CCDC91: variants seen among roughly 807,000 people sequenced by gnomAD.
The protein encoded by CCDC91 is coiled-coil domain-containing protein 91.
A neutral mutation model predicts 63.2 loss-of-function variants in CCDC91; 48 were observed. That is an observed-to-expected ratio of 0.76 (90% CI 0.60 to 0.97). The LOEUF is 0.97. Ranked by LOEUF, CCDC91 falls within the 50% of genes least tolerant of loss-of-function variation. CCDC91 has a pLI of 0.00. For missense variants in CCDC91, 500 were observed against 494.6 expected (o/e 1.01, Z -0.10); for synonymous variants, 167 against 165.8 (o/e 1.01, Z -0.06).
At chr12:28,334,735 T>C (rs1941793931) in intron 6 of CCDC91, among the ~76,000 whole-genome samples, 1 of 152,148 alleles carries the variant, frequency 6.6e-6, no homozygotes, top group African/African-American at 2.4e-5. Flanking sequence ...AATGGGGCAG[T>C]ATCATATACA....
rs185113479 is a variant in CCDC91 at position 28,408,332 on chromosome 12, G to A, written c.762+16921G>A. ...CATGAACTCATTTGTTTTTACGGCT[G>A]CATAGTATTCCATAGTATATATGTG... On this transcript the variant is annotated intron_variant, in intron 8 of 12. Coordinates refer to ENST00000536442, the MANE Select transcript of CCDC91 (RefSeq NM_018318.5). Among the ~76,000 whole-genome samples, 877 of 152,242 alleles carry A rather than the reference G, an allele frequency of 5.8e-3. 3 individuals are homozygous for A. The highest frequency in any genetic ancestry group is 9.3e-3 in the Non-Finnish European group (635 of 68,028).
chr12:28,243,647 A>AG (rs1491335858), intron 1 of CCDC91, among the ~76,000 whole-genome samples: 1 of 152,184 alleles, frequency 6.6e-6, no homozygotes, highest in Admixed American at 6.5e-5. Context: ...AGAATGAAAA[A>AG]GAGATATATA....
chr12:28,444,261 A>G (rs1565983021), intron 8 of CCDC91, among the ~76,000 whole-genome samples: 1 of 152,226 alleles, frequency 6.6e-6, no homozygotes, highest in Non-Finnish European at 1.5e-5. Context: ...CAATTTTTAA[A>G]TGCTGAAATT....
chr12:28,418,731 A>G (rs1164036618), intron 8 of CCDC91, among the ~76,000 whole-genome samples: 1 of 152,132 alleles, frequency 6.6e-6, no homozygotes, highest in East Asian at 1.9e-4. Flanking sequence ...GGATCGGGCC[A>G]AAAAGGTCTT....
intron 3 of CCDC91, chr12:28,304,647 T>A (rs891915297): frequency 1.6e-6 from 2 of 1,270,264 alleles, no homozygotes; most frequent in African/African-American, 3.1e-5. Flanking sequence ...ATTTTCATTG[T>A]GAGCTGCCTT....
intron 3 of CCDC91, among the ~76,000 whole-genome samples, chr12:28,272,592 C>T (rs1025372089): frequency 6.6e-6 from 1 of 151,806 alleles, no homozygotes; most frequent in African/African-American, 2.4e-5. Context: ...TTTCAATTTT[C>T]TTTCTTTCCT....
intron 1 of CCDC91, among the ~76,000 whole-genome samples, chr12:28,211,937 A>G (rs1196791814): frequency 6.6e-6 from 1 of 152,214 alleles, no homozygotes; most frequent in Non-Finnish European, 1.5e-5. Context: ...GTCCCTAGCC[A>G]GTTAATTTCT....
chr12:28,321,362 C>CT (rs552575657), intron 6 of CCDC91, among the ~76,000 whole-genome samples: 152 of 151,908 alleles, frequency 1.0e-3, no homozygotes, highest in Admixed American at 3.2e-3. Flanking sequence ...AATTTTCTTA[C>CT]TTAACTATGA....
chr12:28,221,404 G>A (rs1943939222), intron 1 of CCDC91, among the ~76,000 whole-genome samples: 1 of 152,028 alleles, frequency 6.6e-6, no homozygotes, highest in African/African-American at 2.4e-5. Flanking sequence ...TCCTGGTTAT[G>A]CGTTATAGTT....
chr12:28,374,523 T>A (rs2138909787), intron 7 of CCDC91, among the ~76,000 whole-genome samples: 1 of 152,316 alleles, frequency 6.6e-6, no homozygotes, highest in Admixed American at 6.5e-5. Flanking sequence ...GTGCCATATT[T>A]ATTTTCCTCA....
At chr12:28,289,696 T>TC (rs1949115684) in intron 3 of CCDC91, among the ~76,000 whole-genome samples, 1 of 88,658 alleles carries the variant, frequency 1.1e-5, no homozygotes. Context: ...TTTTTTTTTT[T>TC]TTTTTTTTTT....
chr12:28,461,228 T>C (rs1361114637), intron 11 of CCDC91, among the ~76,000 whole-genome samples: 6 of 152,092 alleles, frequency 3.9e-5, no homozygotes, highest in African/African-American at 1.4e-4. Context: ...AAACTGAAAC[T>C]ATGAAATCAC....
At position 28,381,466 on chromosome 12, in the gene CCDC91, C is replaced by T. The variant is rs148398195; in HGVS notation, c.655-9838C>T. Among the ~76,000 whole-genome samples, 68 of 152,094 alleles carry T rather than the reference C, an allele frequency of 4.5e-4. No individual in the cohort carries two copies. In the East Asian group the frequency reaches 0.011, roughly 26 times the overall value. ...TTATGTATTATAAAAATTAATTTTGCTCCCATTGGTATTTGGGCATCAGTC... is the reference window on the plus strand; with the variant it reads ...TTATGTATTATAAAAATTAATTTTGTTCCCATTGGTATTTGGGCATCAGTC... On this transcript the variant is annotated intron_variant, in intron 7 of 12. Coordinates refer to ENST00000536442, the MANE Select transcript of CCDC91 (RefSeq NM_018318.5).
intron 6 of CCDC91, among the ~76,000 whole-genome samples, chr12:28,356,268 A>C (rs1943519933): frequency 6.6e-6 from 1 of 152,230 alleles, no homozygotes; most frequent in African/African-American, 2.4e-5. Flanking sequence ...TAGGAAAAAC[A>C]ACCAGGCTTA....
intron 8 of CCDC91, among the ~76,000 whole-genome samples, chr12:28,401,597 C>G (rs1160353677): frequency 2.0e-5 from 3 of 152,112 alleles, no homozygotes; most frequent in African/African-American, 7.2e-5. Context: ...ATAAAACCAT[C>G]AGATCTGGTG....
At chr12:28,203,295 C>CA (rs1449693029) in intron 1 of CCDC91, among the ~76,000 whole-genome samples, 1 of 152,270 alleles carries the variant, frequency 6.6e-6, no homozygotes, top group East Asian at 1.9e-4. Context: ...TTGACTTTGA[C>CA]AATTTTTGCC....
At chr12:28,462,960 G>A (rs1950379022) in intron 11 of CCDC91, among the ~76,000 whole-genome samples, 1 of 152,054 alleles carries the variant, frequency 6.6e-6, no homozygotes, top group Admixed American at 6.6e-5. Context: ...AGAGGAGAAG[G>A]ATGAAGAGAA....
chr12:28,357,098 G>T (rs958162254), intron 6 of CCDC91, among the ~76,000 whole-genome samples: 7 of 152,152 alleles, frequency 4.6e-5, no homozygotes, highest in Admixed American at 4.6e-4. Context: ...CCTTGGTTCA[G>T]ATATTCATAT....
At chr12:28,527,529 A>T (rs550899949) in intron 12 of CCDC91, among the ~76,000 whole-genome samples, 15 of 151,910 alleles carry the variant, frequency 9.9e-5, no homozygotes, top group African/African-American at 3.6e-4. Context: ...ATGGACTCTG[A>T]GTGTTCTTAG....
Sources: allele counts gnomAD v4.1 joint callset (sites outside exome capture counted in the v4.1 genomes callset), GRCh38; gene constraint gnomAD v4.1.1; transcripts MANE v1.5; gene names NCBI Gene and HGNC (gene_info 2026-07-23, HGNC 2026-07-21).